The following RFX4 variants were observed in gnomAD, a reference collection of about 807,000 sequenced individuals.
The protein encoded by RFX4 is transcription factor RFX4.
In RFX4, 10 loss-of-function variants were observed where a neutral mutation model predicts 95.0. That is an observed-to-expected ratio of 0.11 (90% confidence interval 0.06 to 0.18). RFX4 has a LOEUF of 0.18. Among genes scored for constraint, RFX4 ranks in the 10% least tolerant of loss-of-function variants. RFX4 has a pLI of 1.00. For synonymous variants in RFX4, 321 were observed against 340.7 expected, an observed-to-expected ratio of 0.94 and a Z score of 0.64; for missense variants, 640 against 922.0, an observed-to-expected ratio of 0.69 and a Z score of 3.96.
At chr12:106,669,289 T>C (rs1333060645) in intron 4 of RFX4, among the ~76,000 whole-genome samples, 1 of 152,048 alleles carries the variant, frequency 6.6e-6, no homozygotes, top group African/African-American at 2.4e-5. Context: ...CAGTAAGAGG[T>C]AGAGAGACTG....
At chr12:106,699,319 C>T (rs1010537088) in intron 8 of RFX4, among the ~76,000 whole-genome samples, 2 of 152,002 alleles carry the variant, frequency 1.3e-5, no homozygotes, top group African/African-American at 4.8e-5. Flanking sequence ...TTTCATGCTC[C>T]AGAATGTGGC....
At chr12:106,643,139 TG>T (rs2040667271) in intron 3 of RFX4, among the ~76,000 whole-genome samples, 1 of 151,750 alleles carries the variant, frequency 6.6e-6, no homozygotes, top group South Asian at 2.1e-4. Context: ...GCCCCCAGGG[TG>T]GGGGTGTAAC....
At chr12:106,721,499 G>A (rs1282098394) in intron 13 of RFX4, among the ~76,000 whole-genome samples, 1 of 152,064 alleles carries the variant, frequency 6.6e-6, no homozygotes, top group African/African-American at 2.4e-5. Context: ...CAGTCTCTGC[G>A]GGCAGCAACC....
At chr12:106,716,575 A>C (rs1486637550) in intron 11 of RFX4, among the ~76,000 whole-genome samples, 1 of 152,138 alleles carries the variant, frequency 6.6e-6, no homozygotes, top group African/African-American at 2.4e-5. Context: ...CAAATGTAAC[A>C]GCCGAAATGT....
At chr12:106,737,865 C>T (rs1199445649) in intron 15 of RFX4, among the ~76,000 whole-genome samples, 2 of 152,138 alleles carry the variant, frequency 1.3e-5, no homozygotes, top group Non-Finnish European at 2.9e-5. Context: ...ATAGATGCGC[C>T]TCAAACTGTA....
intron 1 of RFX4, among the ~76,000 whole-genome samples, chr12:106,584,058 C>G (rs2039415821): frequency 6.6e-6 from 1 of 152,210 alleles, no homozygotes; most frequent in Non-Finnish European, 1.5e-5. Context: ...CGCAGACTGG[C>G]CCGCTAAACT....
At chr12:106,652,957 GT>G (rs1477479754) in intron 3 of RFX4, among the ~76,000 whole-genome samples, 3 of 152,148 alleles carry the variant, frequency 2.0e-5, no homozygotes, top group Non-Finnish European at 4.4e-5. Context: ...GTGGGGGATG[GT>G]TTTCCAGTCA....
At chr12:106,590,818 A>C (rs1025702611) in intron 1 of RFX4, among the ~76,000 whole-genome samples, 29 of 152,204 alleles carry the variant, frequency 1.9e-4, no homozygotes, top group Middle Eastern at 3.4e-3. Flanking sequence ...ATGGTGGTGC[A>C]TGCCTATAGT....
At chr12:106,619,450 G>A (rs1197447619) in intron 2 of RFX4, among the ~76,000 whole-genome samples, 1 of 152,098 alleles carries the variant, frequency 6.6e-6, no homozygotes, top group Non-Finnish European at 1.5e-5. Flanking sequence ...TGAAAAGTTA[G>A]TCATCAGATG....
At chr12:106,632,335 G>A (rs1244396137) in intron 2 of RFX4, among the ~76,000 whole-genome samples, 1 of 152,194 alleles carries the variant, frequency 6.6e-6, no homozygotes, top group African/African-American at 2.4e-5. Context: ...AGGACCATCA[G>A]CGGGGCACTG....
At chr12:106,710,931 G>A (rs1458119578) in intron 9 of RFX4, among the ~76,000 whole-genome samples, 2 of 152,144 alleles carry the variant, frequency 1.3e-5, no homozygotes, top group African/African-American at 4.8e-5. Context: ...ATGCAAACAG[G>A]TCATGGAGAT....
At chr12:106,593,593 T>C (rs940349009) in intron 1 of RFX4, among the ~76,000 whole-genome samples, 1 of 152,236 alleles carries the variant, frequency 6.6e-6, no homozygotes, top group African/African-American at 2.4e-5. Flanking sequence ...TAAAATGATG[T>C]CAGTGCCTTT....
intron 7 of RFX4, chr12:106,692,977 C>A (rs2041812301): frequency 4.4e-6 from 1 of 225,560 alleles, no homozygotes; most frequent in East Asian, 1.4e-4. Flanking sequence ...TGCCCCAAAT[C>A]TGTTTTTCCC....
Position 106,732,233 on chromosome 12 carries a change from G to T in RFX4, c.1455G>T (p.Lys485Asn). The T allele has an allele frequency of 6.2e-7, 1 of 1,613,952 alleles. No individual in the cohort carries two copies. Among genetic ancestry groups the T allele is most frequent in the Non-Finnish European group, 8.5e-7 (1 of 1,179,886 alleles). The change falls in exon 14 of 18, where the codon AAG becomes AAT. Residue 485 changes from lysine to asparagine, a missense_variant. Coordinates refer to ENST00000392842, the MANE Select transcript of RFX4 (RefSeq NM_213594.3). ...CCAATGAGCTCATGCGAGCCATGAA[G>T]GGAGAAGGAAGCACTGGTAAGCCAG... ...ERANELMRAM[K>N]GEGSTAEVRE...
At position 106,760,174 on chromosome 12, in the gene RFX4, C is replaced by T. The variant is rs1174666117; in HGVS notation, c.1936-1023C>T. ...ACATTCACACAGTCTCTCTCCTCCT[C>T]GCTGCTCTGGCCATCCTTGTTGATT... On this transcript the variant is annotated intron_variant, in intron 17 of 17. Transcript: ENST00000392842. Among the ~76,000 whole-genome samples, 6 of 152,200 alleles carry T rather than the reference C, an allele frequency of 3.9e-5. No individual in the cohort carries two copies. In the South Asian group the frequency reaches 1.0e-3, roughly 26 times the overall value.
rs2042368116 is a variant in RFX4, at chr12:106,720,102, C to T, written c.1233+48C>T. 6.8e-7 allele frequency: 1 copy of T among 1,476,702 alleles called. No homozygotes were observed. The highest frequency in any genetic ancestry group is 1.7e-5 in the Admixed American group (1 of 59,746). 91.5% of individuals were successfully genotyped at this position (1,476,702 alleles called of 1,614,324 possible). On this transcript the variant is annotated intron_variant, in intron 12 of 17. Coordinates refer to ENST00000392842, the MANE Select transcript of RFX4 (RefSeq NM_213594.3). This position sits in a 1 kb window ranked among gnomAD's most constrained non-coding sequence, Gnocchi z 4.2. ...GGCAGCCTTGGGCCCTGCAGCCCAC[C>T]ACTGCCCTCTGTGAACTTGGCCAAG... is the stretch of plus-strand genomic sequence containing the variant.
At chr12:106,706,052 C>T (rs757311941) in intron 8 of RFX4, among the ~76,000 whole-genome samples, 2 of 152,154 alleles carry the variant, frequency 1.3e-5, no homozygotes, top group African/African-American at 2.4e-5. Context: ...CTGGGGGCTT[C>T]GGGGAAGGTT....
At chr12:106,585,186 CT>C (rs1462039579) in intron 1 of RFX4, among the ~76,000 whole-genome samples, 1 of 152,252 alleles carries the variant, frequency 6.6e-6, no homozygotes, top group Non-Finnish European at 1.5e-5. Context: ...TGCAGTGGCC[CT>C]GCTGGGGGGC....
In RFX4 at chr12:106,696,347, C is replaced by G; in HGVS notation, c.734C>G (p.Ser245Cys). 1 of 1,614,158 alleles carries G rather than the reference C, an allele frequency of 6.2e-7. No homozygotes were observed. The highest frequency in any genetic ancestry group is 8.5e-7 in the Non-Finnish European group (1 of 1,180,028). Residue 245 changes from serine to cysteine, a missense_variant, in exon 8 of 18, where the codon TCC becomes TGC. Around this residue, in one of 7 missense-constraint regions of RFX4, gnomAD observed 96 missense variants for 183.7 expected, o/e 0.52. Coordinates refer to ENST00000392842, the MANE Select transcript of RFX4 (RefSeq NM_213594.3). ...CCCCACATGCTGCCTGTGCTGGGCT[C>G]CTCCACGGTGGTGAACATTGTCGGC... Reference protein sequence around the residue: ...MPPHMLPVLGSSTVVNIVGVC... With the variant: ...MPPHMLPVLGCSTVVNIVGVC...
Sources: gnomAD v4.1 joint callset for allele counts (sites outside exome capture counted in the v4.1 genomes callset) on GRCh38, gnomAD v4.1.1 for gene constraint, gnomAD v4.1.1 regional missense constraint, Gnocchi (gnomAD v3.1) non-coding constraint, MANE v1.5 for transcripts, NCBI Gene and HGNC (gene_info 2026-07-23, HGNC 2026-07-21) for gene names.